The following RBFOX1 variants were observed in gnomAD, a reference collection of about 807,000 sequenced individuals.
RBFOX1 encodes RNA binding fox-1 homolog 1.
In RBFOX1, 8 loss-of-function variants were observed where a neutral mutation model predicts 57.7. The observed-to-expected ratio is 0.14, with a 90% CI of 0.08 to 0.25. The LOEUF (loss-of-function observed/expected upper bound fraction) is 0.25. RBFOX1 is among the 10% of genes least tolerant of loss of function. The probability of loss-of-function intolerance (pLI) is 1.00; values close to 1 mark genes in which losing one functional copy is unlikely to be tolerated. For synonymous variants in RBFOX1, 326 were observed against 222.4 expected (o/e 1.47, Z -4.15); for missense variants, 611 against 548.5 (o/e 1.11, Z -1.14).
chr16:5,843,860 G>C (rs2056687104), intron 3 of RBFOX1, among the ~76,000 whole-genome samples: 1 of 152,222 alleles, frequency 6.6e-6, no homozygotes, highest in South Asian at 2.1e-4. Context: ...AGAGGAACAA[G>C]GAGAGAAGTA....
intron 4 of RBFOX1, chr16:7,304,409 C>T (rs1013023193): frequency 9.5e-5 from 94 of 985,262 alleles, no homozygotes; most frequent in Non-Finnish European, 1.1e-4. Context: ...CTGACGGGGG[C>T]CACCTGCGTG....
At chr16:7,644,581 T>TAAGAAAG (rs1234833786) in intron 11 of RBFOX1, among the ~76,000 whole-genome samples, 4 of 152,188 alleles carry the variant, frequency 2.6e-5, no homozygotes. Context: ...TTTTCTTTCG[T>TAAGAAAG]AACTGTAGGA....
chr16:7,464,836 G>T (rs112340599), intron 4 of RBFOX1, among the ~76,000 whole-genome samples: 2 of 151,174 alleles, frequency 1.3e-5, no homozygotes, highest in Admixed American at 1.3e-4. Context: ...AGCTGGGACT[G>T]CAGGCGCCCG....
chr16:6,182,536 T>A (rs1001035648), intron 1 of RBFOX1, among the ~76,000 whole-genome samples: 1 of 152,218 alleles, frequency 6.6e-6, no homozygotes, highest in Non-Finnish European at 1.5e-5. Context: ...GTAATTACTA[T>A]TTTTATTGCC....
At chr16:7,386,694 G>A (rs905852404) in intron 4 of RBFOX1, among the ~76,000 whole-genome samples, 6 of 152,074 alleles carry the variant, frequency 3.9e-5, no homozygotes, top group Non-Finnish European at 8.8e-5. Flanking sequence ...TCATACGTGT[G>A]CATGTATCTT....
intron 2 of RBFOX1, among the ~76,000 whole-genome samples, chr16:6,493,484 G>T (rs192554514): frequency 6.6e-6 from 1 of 152,142 alleles, no homozygotes; most frequent in African/African-American, 2.4e-5. Context: ...GTTGTATACA[G>T]TACTATTATT....
At position 6,532,054 on chromosome 16, in the gene RBFOX1, C is replaced by A. The variant is rs1016603317; in HGVS notation, c.-63-122549C>A. 5.3e-5 allele frequency among the ~76,000 whole-genome samples: 8 copies of A among 152,260 alleles called. No individual in the cohort carries two copies. The South Asian group carries it at 1.7e-3, about 32-fold the overall frequency. ...AGAAATGAATTCCAACTAAGTCTTC[C>A]GTCCATGTATCATTCTGCTCCAGTT... On this transcript the variant is annotated intron_variant, in intron 2 of 15. Transcript: ENST00000550418.
At chr16:5,928,162 C>T (rs2058974274) in intron 4 of RBFOX1, among the ~76,000 whole-genome samples, 1 of 152,060 alleles carries the variant, frequency 6.6e-6, no homozygotes, top group Non-Finnish European at 1.5e-5. Flanking sequence ...GGTGTGATCA[C>T]AGCTCACTGT....
intron 2 of RBFOX1, among the ~76,000 whole-genome samples, chr16:6,600,924 C>T (rs1356829332): frequency 6.6e-6 from 1 of 152,156 alleles, no homozygotes; most frequent in Non-Finnish European, 1.5e-5. Context: ...CAAAGTCCCT[C>T]AGGTGATACT....
chr16:7,019,885 G>A (rs80097536), intron 3 of RBFOX1, among the ~76,000 whole-genome samples: 2,510 of 152,210 alleles, frequency 0.016, 23 homozygotes, highest in Non-Finnish European at 0.027. Context: ...ATTTTTGCGT[G>A]TGTTCCAACT....
intron 3 of RBFOX1, among the ~76,000 whole-genome samples, chr16:5,639,209 G>T (rs140539138): frequency 6.6e-6 from 1 of 152,246 alleles, no homozygotes; most frequent in East Asian, 1.9e-4. Flanking sequence ...TTCTAGAATT[G>T]TGTGCACACA....
chr16:6,219,261 G>T (rs1016105920), intron 1 of RBFOX1, among the ~76,000 whole-genome samples: 1 of 152,110 alleles, frequency 6.6e-6, no homozygotes, highest in African/African-American at 2.4e-5. Context: ...TTGAGCCCAG[G>T]AGCTCAAGAC....
At chr16:5,531,872 G>C (rs1223608364) in intron 2 of RBFOX1, among the ~76,000 whole-genome samples, 1 of 150,158 alleles carries the variant, frequency 6.7e-6, no homozygotes, top group Non-Finnish European at 1.5e-5. Context: ...TGCGATTACA[G>C]CTCACTGCAA....
chr16:5,986,085 A>C (rs1447791245), intron 4 of RBFOX1, among the ~76,000 whole-genome samples: 1 of 148,246 alleles, frequency 6.7e-6, no homozygotes, highest in African/African-American at 2.5e-5. Context: ...TTTTCCAGAC[A>C]GGGTCTCGCT....
intron 3 of RBFOX1, among the ~76,000 whole-genome samples, chr16:5,854,937 C>A (rs1286137657): frequency 6.6e-6 from 1 of 152,102 alleles, no homozygotes; most frequent in African/African-American, 2.4e-5. Context: ...TGAGGTGATA[C>A]CTCATTGTGG....
intron 3 of RBFOX1, among the ~76,000 whole-genome samples, chr16:6,998,586 G>T (rs111633877): frequency 6.6e-6 from 1 of 152,104 alleles, no homozygotes; most frequent in Non-Finnish European, 1.5e-5. Flanking sequence ...TTTTAATTTG[G>T]TTATATCATT....
chr16:6,031,659 C>T (rs2095292012), intron 1 of RBFOX1, among the ~76,000 whole-genome samples: 1 of 152,150 alleles, frequency 6.6e-6, no homozygotes, highest in African/African-American at 2.4e-5. Flanking sequence ...ATGTATGTGG[C>T]ATGCGCATAC....
chr16:6,235,547 T>C (rs1183831678), intron 1 of RBFOX1, among the ~76,000 whole-genome samples: 2 of 116,538 alleles, frequency 1.7e-5, no homozygotes, highest in African/African-American at 3.0e-5. Flanking sequence ...GGTGTGTGTG[T>C]GCGTGTATGT....
intron 4 of RBFOX1, among the ~76,000 whole-genome samples, chr16:5,893,182 A>G (rs1177374410): frequency 6.6e-6 from 1 of 152,246 alleles, no homozygotes; most frequent in Admixed American, 6.5e-5. Flanking sequence ...CTGATGCTCC[A>G]GAAGTATGCT....
Sources: allele counts gnomAD v4.1 joint callset (sites outside exome capture counted in the v4.1 genomes callset), GRCh38; gene constraint gnomAD v4.1.1; transcripts MANE v1.5; gene names NCBI Gene and HGNC (gene_info 2026-07-23, HGNC 2026-07-21).